Variants in CLTCL1 observed in about 807,000 individuals in gnomAD.
CLTCL1 encodes the protein clathrin heavy chain like 1.
CLTCL1 carries 159 observed loss-of-function variants against 190.0 expected under a neutral mutation model. That is an observed-to-expected ratio of 0.84 (90% confidence interval 0.74 to 0.95). CLTCL1 has a LOEUF of 0.95. Ranked by LOEUF, CLTCL1 falls within the 40% of genes least tolerant of loss-of-function variation. The probability of loss-of-function intolerance (pLI) is 0.00; values close to 1 mark genes in which losing one functional copy is unlikely to be tolerated. For synonymous variants in CLTCL1, 752 were observed against 769.6 expected, an observed-to-expected ratio of 0.98 and a Z score of 0.38; for missense variants, 1,878 against 2,033.4, an observed-to-expected ratio of 0.92 and a Z score of 1.47.
At chr22:19,184,050 CAAA>C (rs2084231084) in intron 29 of CLTCL1, 1 of 258,760 alleles carries the variant, frequency 3.9e-6, no homozygotes, top group African/African-American at 2.2e-5. Context: ...TCAAGTGGCT[CAAA>C]AACCCCTAAC....
intron 2 of CLTCL1, among the ~76,000 whole-genome samples, chr22:19,259,395 G>C (rs904818073): frequency 6.7e-6 from 1 of 149,546 alleles, no homozygotes; most frequent in Admixed American, 6.7e-5. Context: ...CGTTTTTTTT[G>C]TTTTGTGAAC....
chr22:19,280,337 AT>A (rs879998804), intron 1 of CLTCL1, among the ~76,000 whole-genome samples: 528 of 146,584 alleles, frequency 3.6e-3, no homozygotes, highest in African/African-American at 8.2e-3. Context: ...GAAACTACTG[AT>A]TTTTTTTTTT....
chr22:19,227,552 TCAAGTGATTCTCCTGCCTCAGCCTCC>T (rs2145825875), intron 11 of CLTCL1, among the ~76,000 whole-genome samples: 1 of 151,924 alleles, frequency 6.6e-6, no homozygotes, highest in East Asian at 1.9e-4. Flanking sequence ...TCTCACGGGT[TCAAGTGATTCTCCTGCCTCAGCCTCC>T]CAAGTAGCTG....
At chr22:19,219,455 G>A (rs2085497499) in intron 18 of CLTCL1, among the ~76,000 whole-genome samples, 1 of 149,956 alleles carries the variant, frequency 6.7e-6, no homozygotes, top group South Asian at 2.1e-4. Context: ...AAAGTGCTAG[G>A]ATTACAGGCG....
intron 22 of CLTCL1, among the ~76,000 whole-genome samples, chr22:19,205,308 G>A (rs1299353311): frequency 1.3e-5 from 2 of 152,026 alleles, no homozygotes; most frequent in South Asian, 4.1e-4. Flanking sequence ...ACAGGAGTTC[G>A]AGACCAGCCT....
At chr22:19,191,529 G>A in intron 26 of CLTCL1, 94 bp from the exon 27 acceptor site, 3 of 1,490,220 alleles carry the variant, frequency 2.0e-6, no homozygotes, top group Non-Finnish European at 2.7e-6. Context: ...CTTTACTACT[G>A]AGGCCTGCCA....
intron 26 of CLTCL1, among the ~76,000 whole-genome samples, chr22:19,194,342 C>T (rs1046870387): frequency 3.9e-5 from 6 of 152,072 alleles, no homozygotes; most frequent in Non-Finnish European, 7.3e-5. Context: ...ATGAGCCGGG[C>T]GTGGTGGCAG....
At chr22:19,233,095 A>T in intron 9 of CLTCL1, 71 bp downstream of exon 9, 1 of 1,504,930 alleles carries the variant, frequency 6.6e-7, no homozygotes, top group East Asian at 2.3e-5. Flanking sequence ...TATTTTATAA[A>T]CTTTAAAATC....
intron 1 of CLTCL1, among the ~76,000 whole-genome samples, chr22:19,281,307 A>G (rs1427443379): frequency 1.3e-5 from 2 of 152,014 alleles, no homozygotes; most frequent in African/African-American, 2.4e-5. Flanking sequence ...AAAAAAAAAA[A>G]AAAAGAAAAG....
At chr22:19,196,436 C>T (rs374643955) in intron 25 of CLTCL1, 21 bp from the exon 26 acceptor site, 8 of 1,613,752 alleles carry the variant, frequency 5.0e-6, no homozygotes, top group Middle Eastern at 1.6e-4. Context: ...AGGTCAGGGT[C>T]GGCTTGTGCT....
At chr22:19,242,037 G>C (rs2086272050) in intron 4 of CLTCL1, among the ~76,000 whole-genome samples, 1 of 151,008 alleles carries the variant, frequency 6.6e-6, no homozygotes, top group African/African-American at 2.4e-5. Context: ...CTGCCTCCTA[G>C]GTTCAAGCAA....
chr22:19,253,867 T>C, intron 3 of CLTCL1, 92 bp downstream of exon 3: 1 of 1,472,108 alleles, frequency 6.8e-7, no homozygotes, highest in Non-Finnish European at 9.2e-7. Context: ...CACCTGGCCC[T>C]ATAACCAACT....
intron 3 of CLTCL1, among the ~76,000 whole-genome samples, chr22:19,245,663 C>T (rs1211235625): frequency 2.0e-5 from 3 of 152,212 alleles, no homozygotes; most frequent in Non-Finnish European, 4.4e-5. Flanking sequence ...AGTCAGTCCC[C>T]AGTCCCCTGA....
intron 3 of CLTCL1, among the ~76,000 whole-genome samples, chr22:19,250,539 A>G (rs2086560805): frequency 7.5e-6 from 1 of 133,790 alleles, no homozygotes; most frequent in Non-Finnish European, 1.6e-5. Flanking sequence ...TTAGTACCAC[A>G]TTCTATTTTT....
At chr22:19,239,531 C>G (rs1315089817) in intron 4 of CLTCL1, 143 bp from the exon 5 acceptor site, 2 of 684,500 alleles carry the variant, frequency 2.9e-6, no homozygotes, top group Non-Finnish European at 5.2e-6. Context: ...AGCAGAACAA[C>G]CCCCTTGTCG....
intron 20 of CLTCL1, among the ~76,000 whole-genome samples, chr22:19,209,740 T>C (rs1170592156): frequency 2.0e-5 from 3 of 152,188 alleles, no homozygotes; most frequent in Non-Finnish European, 4.4e-5. Context: ...AGGACAGCAG[T>C]TCAGGTGAGA....
chr22:19,212,973 T>C (rs1555947720), intron 19 of CLTCL1, among the ~76,000 whole-genome samples: 1 of 152,230 alleles, frequency 6.6e-6, no homozygotes, highest in African/African-American at 2.4e-5. Flanking sequence ...GAAAAGTTTA[T>C]GAATTGGACT....
At chr22:19,257,525 T>G in intron 2 of CLTCL1, 1 of 303,698 alleles carries the variant, frequency 3.3e-6, no homozygotes, top group Non-Finnish European at 6.5e-6. Context: ...ACAGCATGAG[T>G]TTCACCACTC....
At chr22:19,204,431 C>G (rs2084989938) in intron 22 of CLTCL1, among the ~76,000 whole-genome samples, 1 of 152,200 alleles carries the variant, frequency 6.6e-6, no homozygotes, top group African/African-American at 2.4e-5. Flanking sequence ...TTTCTAAAAC[C>G]AGAATGTCCA....
Sources: allele counts gnomAD v4.1 joint callset (sites outside exome capture counted in the v4.1 genomes callset), GRCh38; gene constraint gnomAD v4.1.1; transcripts MANE v1.5; gene names NCBI Gene and HGNC (gene_info 2026-07-23, HGNC 2026-07-21).